ANKRD22: variants seen among roughly 807,000 people sequenced by gnomAD.
The protein encoded by ANKRD22 is ankyrin repeat domain-containing protein 22.
ANKRD22 carries 24 observed loss-of-function variants against 25.7 expected under a neutral mutation model. The ratio of observed to expected loss-of-function variants is 0.93; its 90% confidence interval spans 0.68 to 1.31. The LOEUF is 1.31. Ranked by LOEUF, ANKRD22 falls within the 50% of genes most tolerant of loss-of-function variation. The pLI is 0.00. For synonymous variants in ANKRD22, 84 were observed against 84.3 expected (o/e 1.00, Z 0.02); for missense variants, 214 against 227.1 (o/e 0.94, Z 0.37).
Position 88,820,285 on chromosome 10 carries a change from G to T in ANKRD22, c.*2656C>A. ...ATATGACGGTCCCTACAGCAATGTGGACAGGAGGTCAGGACTGGCTTTCAA... is the reference window on the plus strand; with the variant it reads ...ATATGACGGTCCCTACAGCAATGTGTACAGGAGGTCAGGACTGGCTTTCAA... On this transcript the variant is annotated 3_prime_UTR_variant, in exon 6 of 6. Transcript: ENST00000371930. The T allele has an allele frequency of 6.4e-7, 1 of 1,551,998 alleles. No individual in the cohort carries two copies. Among genetic ancestry groups the T allele is most frequent in the Non-Finnish European group, 8.7e-7 (1 of 1,147,066 alleles).
chr10:88,820,632 A>T lies in ANKRD22; in HGVS notation c.*2309T>A. 1.2e-6 allele frequency: 1 copy of T among 831,756 alleles called. No homozygotes were observed. Among genetic ancestry groups the T allele is most frequent in the Non-Finnish European group, 1.8e-6 (1 of 552,314 alleles). 51.5% of individuals were successfully genotyped at this position (831,756 alleles called of 1,614,324 possible). A position where few individuals can be genotyped will look rare whatever the true frequency, so the allele number is the denominator to read the frequency against. Reference sequence around the variant, plus strand: ...CCCTGCACTTGGCACTAAATCCGACACTTACATTTACATTTTTTTTCTGTA... The same window carrying T: ...CCCTGCACTTGGCACTAAATCCGACTCTTACATTTACATTTTTTTTCTGTA... On this transcript the variant is annotated 3_prime_UTR_variant, in exon 6 of 6. Coordinates refer to ENST00000371930, the MANE Select transcript of ANKRD22 (RefSeq NM_144590.3).
intron 1 of ANKRD22, among the ~76,000 whole-genome samples, chr10:88,836,823 C>T (rs1843958378): frequency 6.6e-6 from 1 of 151,794 alleles, no homozygotes; most frequent in Admixed American, 6.6e-5. Flanking sequence ...GCAGAAGAAA[C>T]AGAAAAACGT....
chr10:88,830,770 T>C (rs1005810014), intron 2 of ANKRD22, among the ~76,000 whole-genome samples: 1 of 152,146 alleles, frequency 6.6e-6, no homozygotes, highest in African/African-American at 2.4e-5. Flanking sequence ...CTCCCTCAGT[T>C]TCCTAACGAG....
At chr10:88,851,023 C>T (rs1162250734) in intron 1 of ANKRD22, among the ~76,000 whole-genome samples, 1 of 151,972 alleles carries the variant, frequency 6.6e-6, no homozygotes, top group Non-Finnish European at 1.5e-5. Context: ...AAGTTACTTC[C>T]AATACAAGTA....
At chr10:88,830,459 T>A (rs1432350040) in intron 2 of ANKRD22, among the ~76,000 whole-genome samples, 1 of 152,194 alleles carries the variant, frequency 6.6e-6, no homozygotes, top group Non-Finnish European at 1.5e-5. Context: ...GTTTAGTGTT[T>A]CTGGAAATAA....
chr10:88,821,341 T>C lies in ANKRD22; in HGVS notation c.*1600A>G, dbSNP rs1337752301. Among the ~76,000 whole-genome samples the C allele has an allele frequency of 6.6e-6, 1 of 152,254 alleles. No individual in the cohort carries two copies. The highest frequency in any genetic ancestry group is 1.5e-5 in the Non-Finnish European group (1 of 68,046). Reference sequence around the variant, plus strand: ...GACAAAGTTAATGTCAGACAGTCTCTGCAACTCATTGACAAACCATGATTT... The same window carrying C: ...GACAAAGTTAATGTCAGACAGTCTCCGCAACTCATTGACAAACCATGATTT... On this transcript the variant is annotated 3_prime_UTR_variant, in exon 6 of 6. Coordinates refer to ENST00000371930, the MANE Select transcript of ANKRD22 (RefSeq NM_144590.3).
chr10:88,849,027 TGG>T (rs35949316), intron 1 of ANKRD22, among the ~76,000 whole-genome samples: 1 of 151,836 alleles, frequency 6.6e-6, no homozygotes, highest in African/African-American at 2.4e-5. Flanking sequence ...TGTGTGTGTG[TGG>T]GTGTGTGTGC....
chr10:88,844,035 G>T (rs1844026649), intron 1 of ANKRD22, among the ~76,000 whole-genome samples: 1 of 152,080 alleles, frequency 6.6e-6, no homozygotes, highest in African/African-American at 2.4e-5. Context: ...CACAGTAAGA[G>T]AATACATAAA....
intron 4 of ANKRD22, among the ~76,000 whole-genome samples, chr10:88,825,751 T>C (rs1272417537): frequency 2.0e-5 from 3 of 152,246 alleles, no homozygotes; most frequent in Middle Eastern, 3.2e-3. Context: ...TTAACTATTA[T>C]GGCTGGTATT....
Position 88,828,601 on chromosome 10 carries a change from A to G in ANKRD22, c.279T>C (p.Ile93=), listed in dbSNP as rs1843877075. Reference sequence around the variant, plus strand: ...TAAGCAGAACAGGCATTAAGAGGATAATTAGTAGATAATCAATGAAGGTAA... The same window carrying G: ...TAAGCAGAACAGGCATTAAGAGGATGATTAGTAGATAATCAATGAAGGTAA... ...KKFTFIDYLL[I]ILLMPVLLIG... is the part of the protein sequence containing the mutation. The change falls in exon 3 of 6, where the codon ATT becomes ATC. Residue 93 remains isoleucine (I), a synonymous_variant. Transcript: ENST00000371930. 1.2e-6 allele frequency: 2 copies of G among 1,611,398 alleles called. No individual in the cohort carries two copies. Among genetic ancestry groups the G allele is most frequent in the Admixed American group, 1.7e-5 (1 of 59,762 alleles).
At chr10:88,833,785 T>C (rs149472971) in intron 1 of ANKRD22, among the ~76,000 whole-genome samples, 1 of 152,244 alleles carries the variant, frequency 6.6e-6, no homozygotes, top group Non-Finnish European at 1.5e-5. Flanking sequence ...TATTCTGTTA[T>C]CCTGAAGTCT....
At position 88,840,629 on chromosome 10, in the gene ANKRD22, C is replaced by T. The variant is rs142731299; in HGVS notation, c.22-8603G>A. ...CCTCACTTAAAATGTTCCATGAAAA[C>T]TTCTGAGAAGGATTTGTAGGTTTTG... is the stretch of plus-strand genomic sequence containing the variant. On this transcript the variant is annotated intron_variant, in intron 1 of 5. Transcript: ENST00000371930. 6.1e-3 allele frequency among the ~76,000 whole-genome samples: 933 copies of T among 152,226 alleles called. 10 individuals are homozygous for T. The highest frequency in any genetic ancestry group is 0.021 in the African/African-American group (861 of 41,562).
At position 88,837,730 on chromosome 10, in the gene ANKRD22, G is replaced by A. The variant is rs548277091; in HGVS notation, c.22-5704C>T. On this transcript the variant is annotated intron_variant, in intron 1 of 5. Transcript: ENST00000371930. Reference sequence around the variant, plus strand: ...TATAATTCCCACATGTCATGGGAGGGACCCAGTGGGAAGTAATTGAATCAT... The same window carrying A: ...TATAATTCCCACATGTCATGGGAGGAACCCAGTGGGAAGTAATTGAATCAT... Among the ~76,000 whole-genome samples, 6 of 152,286 alleles carry A rather than the reference G, an allele frequency of 3.9e-5. No homozygotes were observed. In the South Asian group the frequency reaches 1.0e-3, roughly 26 times the overall value.
chr10:88,823,305 C>A lies in ANKRD22; in HGVS notation c.473G>T (p.Arg158Leu). The part of the protein sequence containing the change: ...QSLIPLLLEA[R>L]ADPTIKNKHG... The stretch of plus-strand genomic sequence containing the variant: ...CTTATTCTTTATTGTGGGGTCTGCA[C>A]GGGCTTCCAAGAGCAGAGGGATAAG... The change falls in exon 5 of 6, where the codon CGT becomes CTT. Residue 158 changes from arginine to leucine, a missense_variant. By Grantham distance (102) the Arg-to-Leu change is moderately radical. Transcript: ENST00000371930. The A allele has an allele frequency of 1.2e-6, 2 of 1,613,756 alleles. No individual in the cohort carries two copies. Among genetic ancestry groups the A allele is most frequent in the African/African-American group, 2.7e-5 (2 of 75,022 alleles).
intron 2 of ANKRD22, among the ~76,000 whole-genome samples, chr10:88,828,906 A>G (rs1295629968): frequency 1.3e-5 from 2 of 152,212 alleles, no homozygotes; most frequent in Non-Finnish European, 2.9e-5. Context: ...TGAAATGTAC[A>G]CAGCAGAGCT....
intron 1 of ANKRD22, among the ~76,000 whole-genome samples, chr10:88,842,461 C>G (rs1048167781): frequency 3.9e-5 from 6 of 152,114 alleles, no homozygotes; most frequent in African/African-American, 1.4e-4. Flanking sequence ...AAACTCTACC[C>G]ACAAAAGTTC....
chr10:88,848,769 T>C (rs1844076797), intron 1 of ANKRD22, among the ~76,000 whole-genome samples: 2 of 152,188 alleles, frequency 1.3e-5, no homozygotes, highest in Non-Finnish European at 1.5e-5. Flanking sequence ...TTCAGTCCAA[T>C]GGCCATTCAA....
rs56194758 is a variant in ANKRD22 at position 88,823,827 on chromosome 10, C to CAAAAAAAAAAAAAAAA, written c.400-465_400-450dup. 1.4e-3 allele frequency among the ~76,000 whole-genome samples: 147 copies of CAAAAAAAAAAAAAAAA among 103,720 alleles called. 7 individuals carry two copies. Among genetic ancestry groups the CAAAAAAAAAAAAAAAA allele is most frequent in the African/African-American group, 6.1e-3 (142 of 23,236 alleles). 68.0% of individuals were successfully genotyped at this position (103,720 alleles called of 152,430 possible). A position where few individuals can be genotyped will look rare whatever the true frequency, so the allele number is the denominator to read the frequency against. On this transcript the variant is annotated intron_variant, in intron 4 of 5. Transcript: ENST00000371930. ...TGGGCGACAGAGCGAGACTCCGTCT[C>CAAAAAAAAAAAAAAAA]AAAAAAAAAAAAAAAAAAATTTCTT...
At chr10:88,851,463 A>T in intron 1 of ANKRD22, 124 bp downstream of exon 1, 2 of 1,001,704 alleles carry the variant, frequency 2.0e-6, no homozygotes, top group Non-Finnish European at 3.1e-6. Flanking sequence ...TTTCTGACTT[A>T]ATGCTCCCCC....
Sources: gnomAD v4.1 joint callset for allele counts (sites outside exome capture counted in the v4.1 genomes callset) on GRCh38, gnomAD v4.1.1 for gene constraint, MANE v1.5 for transcripts, NCBI Gene and HGNC (gene_info 2026-07-23, HGNC 2026-07-21) for gene names.